The following HLTF variants were observed in gnomAD, a reference collection of about 807,000 sequenced individuals.
The protein encoded by HLTF is DNA-dependent ATPase/E3 ubiquitin-protein ligase HLTF.
HLTF carries 127 observed loss-of-function variants against 129.4 expected under a neutral mutation model. The ratio of observed to expected loss-of-function variants is 0.98; its 90% confidence interval spans 0.85 to 1.14. The LOEUF (loss-of-function observed/expected upper bound fraction) is 1.14, where lower values mean the gene tolerates loss of function less well. Ranked by LOEUF, HLTF falls within the 50% of genes most tolerant of loss-of-function variation. The pLI is 0.00. For synonymous variants in HLTF, 332 were observed against 388.8 expected (o/e 0.85, Z 1.72); for missense variants, 1,139 against 1,187.1 (o/e 0.96, Z 0.60).
chr3:149,074,006 A>G (rs1054087563), intron 4 of HLTF, among the ~76,000 whole-genome samples: 1 of 151,996 alleles, frequency 6.6e-6, no homozygotes, highest in African/African-American at 2.4e-5. Context: ...ATATCCCCTC[A>G]CTCTTACTGT....
chr3:149,057,282 C>T (rs1255346489), intron 13 of HLTF, among the ~76,000 whole-genome samples: 2 of 151,570 alleles, frequency 1.3e-5, no homozygotes, highest in Non-Finnish European at 2.9e-5. Context: ...AAAAATTAGC[C>T]GGGCATGGTG....
Position 149,050,214 on chromosome 3 carries a change from A to C in HLTF, c.1617+18T>G. On this transcript the variant is annotated intron_variant, in intron 15 of 24. Coordinates refer to ENST00000310053, the MANE Select transcript of HLTF (RefSeq NM_003071.4). Reference sequence around the variant, plus strand: ...CATTCAATCTTTAAAAGATCTGTTAAGTATCAACAATACTTACTCCATAGT... The same window carrying C: ...CATTCAATCTTTAAAAGATCTGTTACGTATCAACAATACTTACTCCATAGT... 1 of 1,468,678 alleles carries C rather than the reference A, an allele frequency of 6.8e-7. No homozygotes were observed. Among genetic ancestry groups the C allele is most frequent in the Non-Finnish European group, 9.3e-7 (1 of 1,069,628 alleles). 91.0% of individuals were successfully genotyped at this position (1,468,678 alleles called of 1,614,324 possible). A position where few individuals can be genotyped will look rare whatever the true frequency, so the allele number is the denominator to read the frequency against.
rs924107915 is a variant in HLTF at position 149,030,916 on chromosome 3, C to T, written c.*1304G>A. On this transcript the variant is annotated 3_prime_UTR_variant, in exon 25 of 25. Coordinates refer to ENST00000310053, the MANE Select transcript of HLTF (RefSeq NM_003071.4). ...CCTATAACACAACATTGTCTCCGATCTCATCTTTCTATCAAATGACTTCCA... is the reference window on the plus strand; with the variant it reads ...CCTATAACACAACATTGTCTCCGATTTCATCTTTCTATCAAATGACTTCCA... The T allele has an allele frequency of 7.2e-5, 11 of 152,204 alleles. No individual in the cohort carries two copies. The highest frequency in any genetic ancestry group is 4.6e-4 in the Admixed American group (7 of 15,288). The allele number at this position is 152,204 out of a possible 1,614,324, so 9.4% of individuals were successfully genotyped here. A position where few individuals can be genotyped will look rare whatever the true frequency, so the allele number is the denominator to read the frequency against.
intron 23 of HLTF, among the ~76,000 whole-genome samples, chr3:149,038,723 G>C (rs1715859364): frequency 6.6e-6 from 1 of 152,054 alleles, no homozygotes; most frequent in South Asian, 2.1e-4. Context: ...ATGTTGCCTA[G>C]GCTGCTCTCA....
At chr3:149,059,142 T>A (rs1276457040) in intron 13 of HLTF, among the ~76,000 whole-genome samples, 2 of 152,164 alleles carry the variant, frequency 1.3e-5, no homozygotes, top group Non-Finnish European at 1.5e-5. Flanking sequence ...ATTTCTCTCA[T>A]CATTACATCA....
At position 149,076,058 on chromosome 3, in the gene HLTF, T is replaced by C; in HGVS notation, c.229-11A>G. 1 of 1,029,554 alleles carries C rather than the reference T, an allele frequency of 9.7e-7. No homozygotes were observed. Among genetic ancestry groups the C allele is most frequent in the Non-Finnish European group, 1.4e-6 (1 of 693,576 alleles). 63.8% of individuals were successfully genotyped at this position (1,029,554 alleles called of 1,614,324 possible). Reference sequence around the variant, plus strand: ...TTCATTATTATTAACCTAATAAAAATGATAAACAGATAATATTACATTATA... The same window carrying C: ...TTCATTATTATTAACCTAATAAAAACGATAAACAGATAATATTACATTATA... On this transcript the variant is annotated splice_polypyrimidine_tract_variant and intron_variant, in intron 2 of 24. Coordinates refer to ENST00000310053, the MANE Select transcript of HLTF (RefSeq NM_003071.4).
At chr3:149,059,373 T>C (rs1159463579) in intron 13 of HLTF, 1 of 413,864 alleles carries the variant, frequency 2.4e-6, no homozygotes, top group Admixed American at 3.3e-5. Flanking sequence ...CAAATTCTAA[T>C]ACCAAAAAAT....
chr3:149,063,497 C>T lies in HLTF; in HGVS notation c.1094G>A (p.Ser365Asn). The T allele has an allele frequency of 6.2e-7, 1 of 1,609,676 alleles. No individual in the cohort carries two copies. Among genetic ancestry groups the T allele is most frequent in the Non-Finnish European group, 8.5e-7 (1 of 1,176,158 alleles). Reference protein sequence around the residue: ...KDASRCSEQPSISDIKEKSKF... With the variant: ...KDASRCSEQPNISDIKEKSKF... ...ACTCTTCTCCTTGATATCTGAAATA[C>T]TGGGTTGTTCACTACATCTAGATGC... The change falls in exon 10 of 25, where the codon AGT (serine) becomes AAT (asparagine). Residue 365 changes from serine to asparagine, a missense_variant. Ser to Asn is a conservative substitution (Grantham distance 46). Coordinates refer to ENST00000310053, the MANE Select transcript of HLTF (RefSeq NM_003071.4).
intron 13 of HLTF, among the ~76,000 whole-genome samples, chr3:149,058,475 T>C (rs1717662210): frequency 6.6e-6 from 1 of 152,232 alleles, no homozygotes; most frequent in East Asian, 1.9e-4. Flanking sequence ...CTTTGACTAT[T>C]CTCCTATTGG....
intron 10 of HLTF, among the ~76,000 whole-genome samples, chr3:149,062,182 A>G (rs1261189684): frequency 1.3e-5 from 2 of 152,226 alleles, no homozygotes; most frequent in Non-Finnish European, 2.9e-5. Flanking sequence ...CCCCTAAAAG[A>G]GTGCCTGTTA....
In HLTF at chr3:149,034,926, T is replaced by C. The variant is rs749198473; in HGVS notation, c.2869A>G (p.Ile957Val). The change falls in exon 24 of 25, where the codon ATC (isoleucine) becomes GTC (valine). Residue 957 changes from isoleucine (I) to valine (V), a missense_variant. By Grantham distance (29) the Ile-to-Val change is conservative (BLOSUM62 3). Transcript: ENST00000310053. ...HRLGQKQEVI[I>V]TKFIVKDSVE... Reference sequence around the variant, plus strand: ...TTTGTTTAAAAACTCACTTTTGTGATGATAACTTCTTGCTTCTGACCAAGT... The same window carrying C: ...TTTGTTTAAAAACTCACTTTTGTGACGATAACTTCTTGCTTCTGACCAAGT... The C allele has an allele frequency of 1.9e-6, 3 of 1,611,444 alleles. No individual in the cohort carries two copies. In the South Asian group the frequency reaches 3.3e-5, roughly 18 times the overall value.
chr3:149,056,906 G>C (rs1165651087), intron 13 of HLTF, among the ~76,000 whole-genome samples: 7 of 145,738 alleles, frequency 4.8e-5, no homozygotes, highest in African/African-American at 1.8e-4. Context: ...TCAGGAGCTC[G>C]AGACCATCCT....
intron 10 of HLTF, among the ~76,000 whole-genome samples, chr3:149,061,820 G>A (rs1286624319): frequency 6.9e-6 from 1 of 144,504 alleles, no homozygotes; most frequent in East Asian, 2.0e-4. Context: ...TGGGCGACAG[G>A]AGCAAAACTC....
At chr3:149,038,817 CAG>C (rs938059552) in intron 23 of HLTF, among the ~76,000 whole-genome samples, 2 of 152,068 alleles carry the variant, frequency 1.3e-5, no homozygotes, top group Non-Finnish European at 2.9e-5. Context: ...CTGGCCAAAA[CAG>C]AGCATTTAAT....
rs911508195 is a variant in HLTF at position 149,054,407 on chromosome 3, A to C, written c.1473+896T>G. Among the ~76,000 whole-genome samples the C allele has an allele frequency of 2.6e-5, 4 of 152,192 alleles. No individual in the cohort carries two copies. The East Asian group carries it at 7.7e-4, about 29-fold the overall frequency. ...AAAGAACAGATGAGCAATGTGGGAA[A>C]AGAGAGAATCCAATGTAGAGACTAA... is the stretch of plus-strand genomic sequence containing the variant. On this transcript the variant is annotated intron_variant, in intron 14 of 24. Transcript: ENST00000310053.
intron 2 of HLTF, among the ~76,000 whole-genome samples, chr3:149,083,128 G>A (rs950200416): frequency 2.0e-5 from 3 of 152,110 alleles, no homozygotes; most frequent in Non-Finnish European, 4.4e-5. Context: ...GCGCATGCCT[G>A]TAATCCCAGC....
chr3:149,077,275 TAAATAAA>T (rs1719456429), intron 2 of HLTF, among the ~76,000 whole-genome samples: 1 of 150,128 alleles, frequency 6.7e-6, no homozygotes, highest in South Asian at 2.1e-4. Context: ...AATAAATAAA[TAAATAAA>T]TAAATAAATA....
chr3:149,038,410 T>C (rs1715830202), intron 23 of HLTF, among the ~76,000 whole-genome samples: 1 of 152,246 alleles, frequency 6.6e-6, no homozygotes. Flanking sequence ...TGGACTATGA[T>C]TCTGGTTTTG....
At position 149,039,948 on chromosome 3, in the gene HLTF, G is replaced by A. The variant is rs926779090; in HGVS notation, c.2502+83C>T. ...CACTAAAATGACAGGAATGAAAGCAGAATTACGATTTTGATATACTGTGTA... is the reference window on the plus strand; with the variant it reads ...CACTAAAATGACAGGAATGAAAGCAAAATTACGATTTTGATATACTGTGTA... On this transcript the variant is annotated intron_variant, in intron 21 of 24. Transcript: ENST00000310053. 9.9e-5 allele frequency: 122 copies of A among 1,226,398 alleles called. No homozygotes were observed. The African/African-American group carries it at 1.5e-3, about 15-fold the overall frequency. The allele number at this position is 1,226,398 out of a possible 1,614,324, so 76.0% of individuals were successfully genotyped here.
Sources: gnomAD v4.1 joint callset for allele counts (sites outside exome capture counted in the v4.1 genomes callset) on GRCh38, gnomAD v4.1.1 for gene constraint, MANE v1.5 for transcripts, NCBI Gene and HGNC (gene_info 2026-07-23, HGNC 2026-07-21) for gene names.